Variants in ADCY2 observed in about 807,000 individuals in gnomAD.
ADCY2 encodes the protein adenylate cyclase type 2.
ADCY2 carries 31 observed loss-of-function variants against 125.2 expected under a neutral mutation model. The ratio of observed to expected loss-of-function variants is 0.25; its 90% CI spans 0.19 to 0.33. ADCY2 has a LOEUF of 0.33. Among genes scored for constraint, ADCY2 ranks in the 10% least tolerant of loss-of-function variants. The pLI, the probability that ADCY2 is intolerant of heterozygous loss-of-function variation, is 1.00. For synonymous variants in ADCY2, 512 were observed against 548.4 expected (o/e 0.93, Z 0.93); for missense variants, 904 against 1,418.2 (o/e 0.64, Z 5.82).
At chr5:7,522,259 C>T (rs1441164690) in intron 3 of ADCY2, 3 of 152,180 alleles carry the variant, frequency 2.0e-5, no homozygotes, top group African/African-American at 4.8e-5. Context: ...CATCCATCAC[C>T]ACCCATGCTG....
intron 4 of ADCY2, among the ~76,000 whole-genome samples, chr5:7,660,239 A>AGAAGGAAAGAAGGAAGGAAG (rs1459400217): frequency 3.7e-4 from 37 of 101,332 alleles, no homozygotes; most frequent in African/African-American, 1.5e-3. Flanking sequence ...AGGGAGGGAG[A>AGAAGGAAAGAAGGAAGGAAG]GAAGGAAGGA....
chr5:7,748,529 C>CACACACACACACACAG (rs1560941144), intron 15 of ADCY2, among the ~76,000 whole-genome samples: 1 of 61,478 alleles, frequency 1.6e-5, no homozygotes, highest in African/African-American at 3.9e-5. Context: ...AACACACACA[C>CACACACACACACACAG]ACACACACAC....
intron 2 of ADCY2, among the ~76,000 whole-genome samples, chr5:7,440,560 A>C (rs930493805): frequency 1.3e-5 from 2 of 152,182 alleles, no homozygotes; most frequent in Admixed American, 6.5e-5. Flanking sequence ...TGGAAACAGC[A>C]TTCTCTGTCC....
chr5:7,482,659 A>G (rs962608422), intron 2 of ADCY2, among the ~76,000 whole-genome samples: 1 of 151,788 alleles, frequency 6.6e-6, no homozygotes, highest in Admixed American at 6.6e-5. Flanking sequence ...AAATCCTTAT[A>G]TCAAAGAGAT....
At chr5:7,453,715 G>A (rs1741558693) in intron 2 of ADCY2, among the ~76,000 whole-genome samples, 1 of 152,130 alleles carries the variant, frequency 6.6e-6, no homozygotes, top group African/African-American at 2.4e-5. Context: ...ATACTTCCGG[G>A]GTCTTGTGTC....
intron 3 of ADCY2, among the ~76,000 whole-genome samples, chr5:7,580,674 A>G (rs1271215596): frequency 6.6e-6 from 1 of 152,202 alleles, no homozygotes; most frequent in African/African-American, 2.4e-5. Flanking sequence ...ATTTGGGGAA[A>G]TAATGGCTAA....
In ADCY2 at chr5:7,671,719, T is replaced by C. The variant is rs116373670; in HGVS notation, c.721-18972T>C. 4.5e-3 allele frequency among the ~76,000 whole-genome samples: 682 copies of C among 152,328 alleles called. 8 individuals carry two copies. The highest frequency in any genetic ancestry group is 0.015 in the African/African-American group (628 of 41,576). On this transcript the variant is annotated intron_variant, in intron 4 of 24. Transcript: ENST00000338316. ...AGCAACATGTGTTTTGAATTCTGAC[T>C]GCTAGAGAATTAGCTACTGAGTGGG...
intron 15 of ADCY2, among the ~76,000 whole-genome samples, chr5:7,754,601 A>G (rs1353700858): frequency 1.3e-5 from 2 of 152,224 alleles, no homozygotes; most frequent in Admixed American, 6.5e-5. Flanking sequence ...ACCAAATGCC[A>G]TTATCTAATG....
intron 3 of ADCY2, among the ~76,000 whole-genome samples, chr5:7,601,806 T>A (rs1183250272): frequency 2.6e-5 from 4 of 152,216 alleles, no homozygotes; most frequent in Admixed American, 2.6e-4. Context: ...CAGTGATGCA[T>A]GCTGTGTGCA....
chr5:7,696,320 A>G (rs576450975), intron 6 of ADCY2, among the ~76,000 whole-genome samples: 1 of 152,328 alleles, frequency 6.6e-6, no homozygotes, highest in Non-Finnish European at 1.5e-5. Flanking sequence ...CTTCCATGCA[A>G]AGCCTTCACT....
intron 21 of ADCY2, among the ~76,000 whole-genome samples, chr5:7,803,647 C>T (rs931180741): frequency 2.6e-5 from 4 of 152,132 alleles, no homozygotes; most frequent in Admixed American, 2.0e-4. Flanking sequence ...GCCTGTCATC[C>T]TAGCACTTTA....
intron 1 of ADCY2, among the ~76,000 whole-genome samples, chr5:7,408,942 C>A (rs1459894037): frequency 6.6e-6 from 1 of 152,144 alleles, no homozygotes; most frequent in East Asian, 1.9e-4. Context: ...ATATTCATTG[C>A]AGCAGCATTC....
chr5:7,494,005 G>A (rs575483708), intron 2 of ADCY2, among the ~76,000 whole-genome samples: 3 of 152,262 alleles, frequency 2.0e-5, no homozygotes, highest in East Asian at 1.9e-4. Flanking sequence ...GCTGCAGAGA[G>A]GAAAGGTCCC....
intron 4 of ADCY2, among the ~76,000 whole-genome samples, chr5:7,656,147 C>T (rs549464008): frequency 2.0e-5 from 3 of 151,920 alleles, no homozygotes; most frequent in Non-Finnish European, 2.9e-5. Flanking sequence ...CTCCACCTCC[C>T]GGGTTCAAGC....
At chr5:7,672,253 T>TGTGA (rs773050514) in intron 4 of ADCY2, among the ~76,000 whole-genome samples, 8 of 152,244 alleles carry the variant, frequency 5.3e-5, no homozygotes, top group Non-Finnish European at 1.0e-4. Context: ...TTAAGTAAGC[T>TGTGA]GTGAGTGTCA....
chr5:7,700,875 A>G (rs1315155220), intron 7 of ADCY2, among the ~76,000 whole-genome samples: 2 of 152,006 alleles, frequency 1.3e-5, no homozygotes, highest in Admixed American at 1.3e-4. Context: ...TCAATGAGAG[A>G]GTTGAGATGG....
At chr5:7,779,307 G>C (rs1743839419) in intron 18 of ADCY2, among the ~76,000 whole-genome samples, 2 of 152,284 alleles carry the variant, frequency 1.3e-5, no homozygotes, top group South Asian at 4.2e-4. Context: ...TCGATATTTA[G>C]GCTCTTTTGT....
In ADCY2 at chr5:7,790,261, C is replaced by T. The variant is rs572380697; in HGVS notation, c.2628+461C>T. 2.0e-5 allele frequency among the ~76,000 whole-genome samples: 3 copies of T among 152,268 alleles called. No homozygotes were observed. The South Asian group carries it at 6.2e-4, about 32-fold the overall frequency. Reference sequence around the variant, plus strand: ...ACACTCAGCTTCCCTGACAGCCTTCCAAGGCTCTTAGAATTTCAAAGATAT... The same window carrying T: ...ACACTCAGCTTCCCTGACAGCCTTCTAAGGCTCTTAGAATTTCAAAGATAT... On this transcript the variant is annotated intron_variant, in intron 20 of 24. Coordinates refer to ENST00000338316, the MANE Select transcript of ADCY2 (RefSeq NM_020546.3).
intron 1 of ADCY2, among the ~76,000 whole-genome samples, chr5:7,407,406 G>A (rs1189373905): frequency 6.6e-6 from 1 of 152,124 alleles, no homozygotes; most frequent in Non-Finnish European, 1.5e-5. Flanking sequence ...GAAGCCTCAG[G>A]AAACTTACAA....
Sources: allele counts gnomAD v4.1 joint callset (sites outside exome capture counted in the v4.1 genomes callset), GRCh38; gene constraint gnomAD v4.1.1; transcripts MANE v1.5; gene names NCBI Gene and HGNC (gene_info 2026-07-23, HGNC 2026-07-21).